The following RALYL variants were observed in gnomAD, a reference collection of about 807,000 sequenced individuals.
RALYL encodes RALY RNA binding protein like, also known as RNA-binding Raly-like protein.
Under a neutral mutation model 35.1 loss-of-function variants are expected in RALYL, and 29 were observed. The observed-to-expected ratio is 0.83, with a 90% CI of 0.61 to 1.13. The LOEUF is 1.13. Among genes scored for constraint, RALYL ranks in the 50% most tolerant of loss-of-function variants. RALYL has a pLI of 0.00. For synonymous variants in RALYL, 120 were observed against 127.6 expected, an observed-to-expected ratio of 0.94 and a Z score of 0.40; for missense variants, 359 against 360.4, an observed-to-expected ratio of 1.00 and a Z score of 0.03.
chr8:84,497,600 A>T (rs577966366), intron 1 of RALYL, among the ~76,000 whole-genome samples: 1 of 151,786 alleles, frequency 6.6e-6, no homozygotes, highest in African/African-American at 2.4e-5. Flanking sequence ...AATGGAAATG[A>T]ATGATTTTTA....
chr8:84,885,520 T>C (rs1436676507), intron 7 of RALYL, among the ~76,000 whole-genome samples: 1 of 152,128 alleles, frequency 6.6e-6, no homozygotes, highest in Non-Finnish European at 1.5e-5. Context: ...AGATAAAAAG[T>C]ATAGTTTTAA....
intron 8 of RALYL, among the ~76,000 whole-genome samples, chr8:84,912,345 C>T (rs886953249): frequency 6.6e-6 from 1 of 151,920 alleles, no homozygotes; most frequent in Non-Finnish European, 1.5e-5. Flanking sequence ...TGCTAGGAAC[C>T]AGAGACTAAG....
intron 2 of RALYL, among the ~76,000 whole-genome samples, chr8:84,709,876 C>A (rs1409613432): frequency 6.6e-6 from 1 of 152,054 alleles, no homozygotes; most frequent in African/African-American, 2.4e-5. Flanking sequence ...GCCTGGGCAT[C>A]ATGGTGAAAC....
chr8:84,879,799 G>C lies in RALYL; in HGVS notation c.685+6402G>C, dbSNP rs142826582. 5.3e-3 allele frequency among the ~76,000 whole-genome samples: 804 copies of C among 152,074 alleles called. 4 individuals are homozygous for C. The highest frequency in any genetic ancestry group is 1.0e-2 in the Admixed American group (152 of 15,230). Reference sequence around the variant, plus strand: ...GACATTGAGTTGTCCTTAGCAACTAGATCAAACCTTTCAACTGCTTACTGG... The same window carrying C: ...GACATTGAGTTGTCCTTAGCAACTACATCAAACCTTTCAACTGCTTACTGG... On this transcript the variant is annotated intron_variant, in intron 7 of 8. Transcript: ENST00000521268.
intron 2 of RALYL, among the ~76,000 whole-genome samples, chr8:84,604,665 A>G (rs933398946): frequency 6.6e-6 from 1 of 152,126 alleles, no homozygotes; most frequent in African/African-American, 2.4e-5. Context: ...ACTGTAGTAC[A>G]TTTTAATAGG....
Position 84,769,727 on chromosome 8 carries a change from ACT to A in RALYL, c.257-4849_257-4848del, listed in dbSNP as rs138007907. Among the ~76,000 whole-genome samples the A allele has an allele frequency of 4.9e-3, 741 of 152,130 alleles. 1 individual carries two copies. Among genetic ancestry groups the A allele is most frequent in the Non-Finnish European group, 9.0e-3 (612 of 67,996 alleles). ...AGTGAGCCATGGGCGACAGAGTGAGACTCTGTCTCAGAGAAAAACAAAAACAA... is the reference window on the plus strand; with the variant it reads ...AGTGAGCCATGGGCGACAGAGTGAGACTGTCTCAGAGAAAAACAAAAACAA... On this transcript the variant is annotated intron_variant, in intron 2 of 8. Transcript: ENST00000521268.
rs181772660 is a variant in RALYL at position 84,914,173 on chromosome 8, A to G, written c.859-6721A>G. Among the ~76,000 whole-genome samples the G allele has an allele frequency of 3.6e-3, 548 of 152,172 alleles. 4 individuals are homozygous for G. The highest frequency in any genetic ancestry group is 0.013 in the African/African-American group (524 of 41,558). On this transcript the variant is annotated intron_variant, in intron 8 of 8. Transcript: ENST00000521268. Reference sequence around the variant, plus strand: ...TACTTGTAGTGCTAAAATTAATCCCATAAGGAACTGTGGAAAGCAGTCAAA... The same window carrying G: ...TACTTGTAGTGCTAAAATTAATCCCGTAAGGAACTGTGGAAAGCAGTCAAA...
At chr8:84,602,245 T>C (rs746802917) in intron 2 of RALYL, among the ~76,000 whole-genome samples, 2 of 152,170 alleles carry the variant, frequency 1.3e-5, no homozygotes, top group Admixed American at 6.6e-5. Context: ...TTTTCATCTT[T>C]CCCTACAAAT....
At chr8:84,757,543 C>T (rs1392792404) in intron 2 of RALYL, among the ~76,000 whole-genome samples, 6 of 152,018 alleles carry the variant, frequency 3.9e-5, no homozygotes, top group Non-Finnish European at 2.9e-5. Flanking sequence ...TATGCAGGGG[C>T]GGCGAATATG....
chr8:84,290,117 T>C (rs954384155), intron 1 of RALYL, among the ~76,000 whole-genome samples: 2 of 152,224 alleles, frequency 1.3e-5, no homozygotes, highest in Admixed American at 1.3e-4. Context: ...TTTTACTGTA[T>C]ACATCAAATG....
intron 1 of RALYL, among the ~76,000 whole-genome samples, chr8:84,382,511 AATTT>A (rs1274289032): frequency 1.3e-5 from 2 of 151,772 alleles, no homozygotes; most frequent in South Asian, 2.1e-4. Context: ...AAATTAACAT[AATTT>A]ATTTATTCTG....
intron 8 of RALYL, among the ~76,000 whole-genome samples, chr8:84,889,584 C>G (rs964898860): frequency 4.6e-5 from 7 of 152,128 alleles, no homozygotes; most frequent in Admixed American, 4.6e-4. Flanking sequence ...TCATCAAATA[C>G]TAGAGCGTTA....
At chr8:84,276,318 A>G (rs993838286) in intron 1 of RALYL, among the ~76,000 whole-genome samples, 7 of 152,166 alleles carry the variant, frequency 4.6e-5, no homozygotes, top group Non-Finnish European at 1.0e-4. Context: ...GTGCTCTAGC[A>G]TCTGTAAGGC....
chr8:84,816,056 AAAAAG>A lies in RALYL; in HGVS notation c.365+11263_365+11267del, dbSNP rs1197744008. 1.3e-4 allele frequency among the ~76,000 whole-genome samples: 20 copies of A among 151,752 alleles called. No individual in the cohort carries two copies. In the South Asian group the frequency reaches 3.5e-3, roughly 27 times the overall value. Reference sequence around the variant, plus strand: ...TCAAAAAAAAAAAAAAAAAAAAGAAAAAAAGAAAAGAAAGGTGAATAAGCACAGAG... The same window carrying A: ...TCAAAAAAAAAAAAAAAAAAAAGAAAAAAAGAAAGGTGAATAAGCACAGAG... On this transcript the variant is annotated intron_variant, in intron 4 of 8. Transcript: ENST00000521268.
chr8:84,397,337 TA>T (rs1159757673), intron 1 of RALYL, among the ~76,000 whole-genome samples: 1 of 152,200 alleles, frequency 6.6e-6, no homozygotes, highest in Non-Finnish European at 1.5e-5. Context: ...AAATGTATGA[TA>T]ATTAGTTACA....
At chr8:84,413,770 A>G (rs1459732165) in intron 1 of RALYL, among the ~76,000 whole-genome samples, 1 of 152,064 alleles carries the variant, frequency 6.6e-6, no homozygotes, top group Non-Finnish European at 1.5e-5. Flanking sequence ...TGATTTCCAT[A>G]TAGAATTAGT....
intron 1 of RALYL, among the ~76,000 whole-genome samples, chr8:84,493,952 G>T (rs901554761): frequency 6.6e-6 from 1 of 151,966 alleles, no homozygotes; most frequent in Non-Finnish European, 1.5e-5. Context: ...CATTGATTTT[G>T]GTGATTTTGT....
intron 1 of RALYL, among the ~76,000 whole-genome samples, chr8:84,445,670 AC>A (rs1220740165): frequency 3.3e-5 from 5 of 151,660 alleles, no homozygotes; most frequent in Non-Finnish European, 7.4e-5. Flanking sequence ...TTATATTATA[AC>A]ATATATAGCT....
intron 1 of RALYL, among the ~76,000 whole-genome samples, chr8:84,368,820 C>A (rs949426427): frequency 6.6e-6 from 1 of 152,068 alleles, no homozygotes; most frequent in Non-Finnish European, 1.5e-5. Flanking sequence ...GGGGACACAA[C>A]CAAACCATAT....
Sources: gnomAD v4.1 joint callset for allele counts (sites outside exome capture counted in the v4.1 genomes callset) on GRCh38, gnomAD v4.1.1 for gene constraint, MANE v1.5 for transcripts, NCBI Gene and HGNC (gene_info 2026-07-23, HGNC 2026-07-21) for gene names.